Variants in RASA3 observed in about 807,000 individuals in gnomAD.
RASA3 encodes RAS p21 protein activator 3.
A neutral mutation model predicts 110.0 loss-of-function variants in RASA3; 73 were observed. That is an observed-to-expected ratio of 0.66 (90% CI 0.55 to 0.81). RASA3 has a LOEUF of 0.81. Ranked by LOEUF, RASA3 falls within the 30% of genes least tolerant of loss-of-function variation. The pLI is 0.00. For synonymous variants in RASA3, 500 were observed against 451.4 expected (o/e 1.11, Z -1.37); for missense variants, 976 against 1,113.2 (o/e 0.88, Z 1.75).
rs144955799 is a variant in RASA3, at chr13:114,065,566, C to T, written c.173+8154G>A. 3.1e-4 allele frequency among the ~76,000 whole-genome samples: 47 copies of T among 152,304 alleles called. No individual in the cohort carries two copies. Among genetic ancestry groups the T allele is most frequent in the African/African-American group, 8.2e-4 (34 of 41,570 alleles). On this transcript the variant is annotated intron_variant, in intron 2 of 23. Transcript: ENST00000334062. The surrounding 1 kb of genome is among the most constrained non-coding windows in gnomAD (Gnocchi z 4.1). Reference sequence around the variant, plus strand: ...TTGGCCAGGGAAAATGCTCCATCTCCGCAAAGGACAGGAGGCAAAACACAC... The same window carrying T: ...TTGGCCAGGGAAAATGCTCCATCTCTGCAAAGGACAGGAGGCAAAACACAC...
intron 1 of RASA3, among the ~76,000 whole-genome samples, chr13:114,075,101 A>T (rs2079645932): frequency 6.6e-6 from 1 of 151,936 alleles, no homozygotes; most frequent in Non-Finnish European, 1.5e-5. Flanking sequence ...AGGCACAGGC[A>T]CCACGCTGAG....
At chr13:114,078,091 G>T in intron 1 of RASA3, 1 of 805,072 alleles carries the variant, frequency 1.2e-6, no homozygotes, top group Non-Finnish European at 1.5e-6. Context: ...GAGCTGCTCA[G>T]ACCAGGAGGG....
Position 114,132,526 on chromosome 13 carries a change from G to T in RASA3, c.-37C>A. On this transcript the variant is annotated 5_prime_UTR_variant, in exon 1 of 24. Transcript: ENST00000334062. ...GCGCCCGCCGAGCCTCGCCCCAAGC[G>T]CGCGCCGAGCCCGGGCAGCTCAGGC... The T allele has an allele frequency of 6.9e-7, 1 of 1,452,336 alleles. No homozygotes were observed. The allele number at this position is 1,452,336 out of a possible 1,614,324, so 90.0% of individuals were successfully genotyped here.
chr13:114,062,406 G>A (rs572755831), intron 2 of RASA3, among the ~76,000 whole-genome samples: 58 of 152,220 alleles, frequency 3.8e-4, no homozygotes, highest in South Asian at 1.0e-3. Context: ...GTGGAGATGC[G>A]AATCCAAACA....
chr13:114,070,994 ACGGCGCCACAG>A (rs2079562855), intron 2 of RASA3, among the ~76,000 whole-genome samples: 4 of 147,428 alleles, frequency 2.7e-5, no homozygotes, highest in Admixed American at 1.4e-4. Flanking sequence ...TCCACGCTAA[ACGGCGCCACAG>A]TGTTACACGT....
chr13:113,993,805 CTAAAAAA>C (rs1404865225), intron 21 of RASA3, among the ~76,000 whole-genome samples: 1 of 41,350 alleles, frequency 2.4e-5, no homozygotes, highest in African/African-American at 1.6e-4. Context: ...GAGACTCTGC[CTAAAAAA>C]AAAAAAAAAA....
chr13:113,994,730 G>C (rs972678495), intron 21 of RASA3, among the ~76,000 whole-genome samples: 7 of 152,202 alleles, frequency 4.6e-5, no homozygotes, highest in Non-Finnish European at 1.0e-4. Context: ...CAGCTACTTG[G>C]GAGAGTGAAG....
At chr13:114,088,633 C>A (rs2079850565) in intron 1 of RASA3, among the ~76,000 whole-genome samples, 1 of 151,646 alleles carries the variant, frequency 6.6e-6, no homozygotes. Context: ...CTCACGGCAA[C>A]CTCCGCCTCC....
At chr13:113,997,390 G>A (rs983942116) in intron 20 of RASA3, among the ~76,000 whole-genome samples, 3 of 152,186 alleles carry the variant, frequency 2.0e-5, no homozygotes, top group African/African-American at 7.2e-5. Context: ...AAGACTAAAC[G>A]AGGGCAGGTG....
In RASA3 at chr13:114,112,215, T is replaced by C; in HGVS notation, c.55+20220A>G. ...CCTCAGCCAGGCTATTGTGAATGGG[T>C]GTTACCAAAAAATGGCATTAGCAGG... On this transcript the variant is annotated intron_variant, in intron 1 of 23. Transcript: ENST00000334062. The surrounding 1 kb of genome is among the most constrained non-coding windows in gnomAD (Gnocchi z 4.8). Among the ~76,000 whole-genome samples the C allele has an allele frequency of 6.6e-6, 1 of 151,812 alleles. No individual in the cohort carries two copies. Among genetic ancestry groups the C allele is most frequent in the Non-Finnish European group, 1.5e-5 (1 of 67,950 alleles).
chr13:114,087,686 C>T (rs2139703846), intron 1 of RASA3, among the ~76,000 whole-genome samples: 1 of 152,334 alleles, frequency 6.6e-6, no homozygotes, highest in East Asian at 1.9e-4. Context: ...GCTGACGGCT[C>T]CCGGGGCCAG....
In RASA3 at chr13:113,999,644, G is replaced by A. The variant is rs1317395603; in HGVS notation, c.1873C>T (p.Pro625Ser). The change falls in exon 20 of 24, where the codon CCC becomes TCC. Residue 625 changes from proline to serine, a missense_variant. Pro to Ser is a moderately conservative substitution (Grantham distance 74, BLOSUM62 -1). Coordinates refer to ENST00000334062, the MANE Select transcript of RASA3 (RefSeq NM_007368.4). ...TCCACTGCCAGGATGTTCTCGATGG[G>A]AATGCTGTAGAGAGGCTGGTCCCCT... ...SKGDQPLYSI[P>S]IENILAVEKL... is the part of the protein sequence containing the mutation. 5 of 1,613,122 alleles carry A rather than the reference G, an allele frequency of 3.1e-6. No homozygotes were observed. In the African/African-American group the frequency reaches 5.4e-5, roughly 17 times the overall value.
chr13:114,105,920 C>A (rs2080128712), intron 1 of RASA3, among the ~76,000 whole-genome samples: 1 of 152,174 alleles, frequency 6.6e-6, no homozygotes, highest in Admixed American at 6.5e-5. Context: ...GCGGGCATTC[C>A]ACAGTGCAAG....
intron 4 of RASA3, among the ~76,000 whole-genome samples, chr13:114,038,959 G>A (rs1337714283): frequency 2.6e-5 from 4 of 152,216 alleles, no homozygotes; most frequent in African/African-American, 9.6e-5. Flanking sequence ...GCCTCCAGGT[G>A]TAAAAATAAC....
In RASA3 at chr13:114,048,757, C is replaced by T. The variant is rs567978452; in HGVS notation, c.277+3295G>A. 4.6e-5 allele frequency among the ~76,000 whole-genome samples: 7 copies of T among 152,304 alleles called. No homozygotes were observed. The highest frequency in any genetic ancestry group is 3.3e-4 in the Admixed American group (5 of 15,302). ...CCCGCCGGCAGCAGCGCTCTGTGGG[C>T]CATGGACCCAGGGACAGAGGAGGCT... On this transcript the variant is annotated intron_variant, in intron 3 of 23. Coordinates refer to ENST00000334062, the MANE Select transcript of RASA3 (RefSeq NM_007368.4). This position sits in a 1 kb window ranked among gnomAD's most constrained non-coding sequence, Gnocchi z 4.3.
chr13:114,099,123 C>G (rs1376604306), intron 1 of RASA3, among the ~76,000 whole-genome samples: 27 of 65,812 alleles, frequency 4.1e-4, no homozygotes, highest in African/African-American at 1.7e-3. Flanking sequence ...CCGAGCCCCC[C>G]AGACCACAGC....
intron 22 of RASA3, among the ~76,000 whole-genome samples, chr13:113,991,656 T>C (rs1392646001): frequency 2.0e-5 from 3 of 152,248 alleles, no homozygotes; most frequent in Non-Finnish European, 4.4e-5. Flanking sequence ...TCACAGATAA[T>C]GATACATACT....
At chr13:114,020,669 T>G (rs542473451) in intron 9 of RASA3, among the ~76,000 whole-genome samples, 3 of 152,264 alleles carry the variant, frequency 2.0e-5, no homozygotes, top group Admixed American at 6.5e-5. Flanking sequence ...AACAATGGCC[T>G]GTTCCTTCCA....
intron 1 of RASA3, among the ~76,000 whole-genome samples, chr13:114,108,261 CCGT>C (rs2080163903): frequency 6.3e-5 from 2 of 31,650 alleles, no homozygotes; most frequent in South Asian, 1.3e-3. Flanking sequence ...CACCCTGCAT[CCGT>C]CACCCCGTGT....
Sources: gnomAD v4.1 joint callset for allele counts (sites outside exome capture counted in the v4.1 genomes callset) on GRCh38, gnomAD v4.1.1 for gene constraint, Gnocchi (gnomAD v3.1) non-coding constraint, MANE v1.5 for transcripts, NCBI Gene and HGNC (gene_info 2026-07-23, HGNC 2026-07-21) for gene names.